The following SKA2 variants were observed in gnomAD, a reference collection of about 807,000 sequenced individuals.
SKA2 encodes the protein spindle and kinetochore-associated protein 2.
A neutral mutation model predicts 16.9 loss-of-function variants in SKA2; 13 were observed. The observed-to-expected ratio is 0.77, with a 90% CI of 0.50 to 1.22. The LOEUF (loss-of-function observed/expected upper bound fraction) is 1.22. Among genes scored for constraint, SKA2 ranks in the 50% most tolerant of loss-of-function variants. SKA2 has a pLI of 0.00. For missense variants in SKA2, 107 were observed against 139.7 expected, an observed-to-expected ratio of 0.77 and a Z score of 1.18; for synonymous variants, 47 against 48.5, an observed-to-expected ratio of 0.97 and a Z score of 0.13.
At chr17:59,124,974 CTT>C (rs35130048) in intron 2 of SKA2, among the ~76,000 whole-genome samples, 23 of 135,030 alleles carry the variant, frequency 1.7e-4, no homozygotes, top group Admixed American at 4.5e-4. Flanking sequence ...CCACTACATT[CTT>C]TTTTTTTTTT....
chr17:59,144,283 G>A (rs2046515247), intron 1 of SKA2, among the ~76,000 whole-genome samples: 1 of 151,806 alleles, frequency 6.6e-6, no homozygotes, highest in African/African-American at 2.4e-5. Context: ...AGGATGTGGA[G>A]AAACTGGAAC....
intron 1 of SKA2, among the ~76,000 whole-genome samples, chr17:59,134,485 A>C (rs959096557): frequency 6.6e-6 from 1 of 152,130 alleles, no homozygotes; most frequent in Non-Finnish European, 1.5e-5. Flanking sequence ...TTAAACTTAC[A>C]TATTTTTTAA....
At chr17:59,124,067 G>A (rs1223516360) in intron 2 of SKA2, among the ~76,000 whole-genome samples, 2 of 152,180 alleles carry the variant, frequency 1.3e-5, no homozygotes, top group Non-Finnish European at 2.9e-5. Flanking sequence ...GGGTGGGAGT[G>A]TGAAGCATTA....
intron 2 of SKA2, among the ~76,000 whole-genome samples, chr17:59,125,147 ATTTTTTTTTTT>A: frequency 1.0e-5 from 1 of 95,918 alleles, no homozygotes; most frequent in East Asian, 3.3e-4. Context: ...CTAATTTTGT[ATTTTTTTTTTT>A]TTTTTTTTTT....
At position 59,110,850 on chromosome 17, in the gene SKA2, AT is replaced by A. The variant is rs1190611280; in HGVS notation, c.*1426del. 1 of 151,848 alleles carries A rather than the reference AT, an allele frequency of 6.6e-6. No individual in the cohort carries two copies. Among genetic ancestry groups the A allele is most frequent in the Non-Finnish European group, 1.5e-5 (1 of 67,882 alleles). 9.4% of individuals were successfully genotyped at this position (151,848 alleles called of 1,614,324 possible). A position where few individuals can be genotyped will look rare whatever the true frequency, so the allele number is the denominator to read the frequency against. ...TGAAATATTCAAACTAGACAGGACAATTTTAACTGAAGCTGTTCTCACAACC... is the reference window on the plus strand; with the variant it reads ...TGAAATATTCAAACTAGACAGGACAATTTAACTGAAGCTGTTCTCACAACC... On this transcript the variant is annotated 3_prime_UTR_variant, in exon 4 of 4. Coordinates refer to ENST00000330137, the MANE Select transcript of SKA2 (RefSeq NM_182620.4).
At chr17:59,142,329 T>G (rs1410105316) in intron 1 of SKA2, among the ~76,000 whole-genome samples, 2 of 151,152 alleles carry the variant, frequency 1.3e-5, no homozygotes, top group African/African-American at 4.9e-5. Flanking sequence ...TCGCTCTTGT[T>G]GCCCAGGCTG....
intron 2 of SKA2, among the ~76,000 whole-genome samples, chr17:59,125,669 G>A (rs2046367175): frequency 6.8e-6 from 1 of 147,756 alleles, no homozygotes; most frequent in Non-Finnish European, 1.5e-5. Context: ...GGGCGACAGG[G>A]TGAGACTCCG....
At chr17:59,135,240 AACTTTTATTTTAGG>A (rs1380904290) in intron 1 of SKA2, among the ~76,000 whole-genome samples, 1 of 152,004 alleles carries the variant, frequency 6.6e-6, no homozygotes, top group Non-Finnish European at 1.5e-5. Context: ...ACTTTTAAAT[AACTTTTATTTTAGG>A]AAGATACCAA....
intron 1 of SKA2, among the ~76,000 whole-genome samples, chr17:59,145,080 G>T (rs2046521906): frequency 6.6e-6 from 1 of 152,284 alleles, no homozygotes; most frequent in African/African-American, 2.4e-5. Context: ...TTACAGGTGT[G>T]AGCCACCATG....
chr17:59,115,584 T>A (rs2046291164), intron 3 of SKA2, among the ~76,000 whole-genome samples: 1 of 152,158 alleles, frequency 6.6e-6, no homozygotes, highest in Admixed American at 6.5e-5. Context: ...CTGACAAGAC[T>A]TTGCTTTTTC....
At chr17:59,130,040 G>C (rs1239282564) in intron 2 of SKA2, among the ~76,000 whole-genome samples, 2 of 134,122 alleles carry the variant, frequency 1.5e-5, no homozygotes, top group Non-Finnish European at 3.2e-5. Flanking sequence ...AGAAAGAGGC[G>C]GGGGGGAGAG....
intron 1 of SKA2, among the ~76,000 whole-genome samples, chr17:59,141,165 G>A (rs2046486113): frequency 6.6e-6 from 1 of 151,912 alleles, no homozygotes; most frequent in African/African-American, 2.4e-5. Context: ...CTGGGATGCT[G>A]AGGTGGGTGA....
chr17:59,142,894 T>C (rs2147816147), intron 1 of SKA2, among the ~76,000 whole-genome samples: 1 of 131,564 alleles, frequency 7.6e-6, no homozygotes, highest in East Asian at 2.3e-4. Flanking sequence ...GCCATTGCAC[T>C]CCAGACTGGG....
At chr17:59,147,375 A>ACGACACACAC (rs1555713424) in intron 1 of SKA2, among the ~76,000 whole-genome samples, 89 of 82,076 alleles carry the variant, frequency 1.1e-3, no homozygotes, top group African/African-American at 6.8e-3. Flanking sequence ...TTTTATATAT[A>ACGACACACAC]AGACACACAC....
intron 1 of SKA2, among the ~76,000 whole-genome samples, chr17:59,133,816 A>G (rs1411567713): frequency 1.3e-5 from 2 of 152,182 alleles, no homozygotes; most frequent in Non-Finnish European, 2.9e-5. Flanking sequence ...TTTATAGCCA[A>G]AACTTGGGGG....
At chr17:59,153,020 C>T (rs1399398327) in intron 1 of SKA2, among the ~76,000 whole-genome samples, 2 of 152,122 alleles carry the variant, frequency 1.3e-5, no homozygotes, top group Non-Finnish European at 2.9e-5. Context: ...TTTTCTAAAA[C>T]CTACTTTTTC....
chr17:59,138,845 C>T (rs2046465597), intron 1 of SKA2, among the ~76,000 whole-genome samples: 1 of 152,150 alleles, frequency 6.6e-6, no homozygotes, highest in Admixed American at 6.5e-5. Flanking sequence ...TTGCGGTTGT[C>T]ACAATATACT....
chr17:59,123,621 T>TC (rs545349292), intron 2 of SKA2, among the ~76,000 whole-genome samples: 111 of 151,678 alleles, frequency 7.3e-4, no homozygotes, highest in Non-Finnish European at 1.3e-3. Flanking sequence ...AGTGGTGCAA[T>TC]CATAGCTCAC....
In SKA2 at chr17:59,119,475, T is replaced by C. The variant is rs1003878958; in HGVS notation, c.141A>G (p.Leu47=). The C allele has an allele frequency of 1.9e-6, 3 of 1,613,686 alleles. No homozygotes were observed. The Admixed American group carries it at 5.0e-5, about 27-fold the overall frequency. The change falls in exon 3 of 4, where the codon TTA becomes TTG. Residue 47 remains leucine, a synonymous_variant. Transcript: ENST00000330137. ...GAGACTTTATCACTGACAATTCCTTTAAGAGTGTAACTGGATTTTTCTATG... is the reference window on the plus strand; with the variant it reads ...GAGACTTTATCACTGACAATTCCTTCAAGAGTGTAACTGGATTTTTCTATG... ...SASEKNPVTL[L]KELSVIKSRY...
Sources: gnomAD v4.1 joint callset for allele counts (sites outside exome capture counted in the v4.1 genomes callset) on GRCh38, gnomAD v4.1.1 for gene constraint, MANE v1.5 for transcripts, NCBI Gene and HGNC (gene_info 2026-07-23, HGNC 2026-07-21) for gene names.